Variants in AOPEP observed in about 807,000 individuals in gnomAD.
AOPEP encodes aminopeptidase O (putative).
AOPEP carries 77 observed loss-of-function variants against 98.1 expected under a neutral mutation model. The ratio of observed to expected loss-of-function variants is 0.78; its 90% CI spans 0.65 to 0.95. The LOEUF is 0.95. AOPEP is among the 40% of genes least tolerant of loss of function. The pLI, the probability that AOPEP is intolerant of heterozygous loss-of-function variation, is 0.00. For synonymous variants in AOPEP, 346 were observed against 365.3 expected, an observed-to-expected ratio of 0.95 and a Z score of 0.60; for missense variants, 1,024 against 1,024.7, an observed-to-expected ratio of 1.00 and a Z score of 0.01.
chr9:94,933,833 C>T (rs1276202241), intron 7 of AOPEP, among the ~76,000 whole-genome samples: 2 of 151,610 alleles, frequency 1.3e-5, no homozygotes, highest in Admixed American at 6.6e-5. Flanking sequence ...CTGCAAGCTC[C>T]GCCTCCCATG....
At chr9:94,839,525 T>C (rs2042044312) in intron 5 of AOPEP, among the ~76,000 whole-genome samples, 1 of 152,190 alleles carries the variant, frequency 6.6e-6, no homozygotes, top group African/African-American at 2.4e-5. Flanking sequence ...ACCCGGCCTA[T>C]AAGTGGTATT....
chr9:94,819,259 G>A (rs1397114971), intron 5 of AOPEP, among the ~76,000 whole-genome samples: 1 of 152,180 alleles, frequency 6.6e-6, no homozygotes, highest in African/African-American at 2.4e-5. Flanking sequence ...GCCATTATCT[G>A]ACTTGTGTCT....
the AOPEP span, chr9:95,110,802 A>G: frequency 1.2e-5 from 13 of 1,126,442 alleles, no homozygotes; most frequent in Non-Finnish European, 1.4e-5. Flanking sequence ...GGAGGTGCCA[A>G]TGCCTTTAAT....
At chr9:94,794,836 G>A (rs902057752) in intron 4 of AOPEP, among the ~76,000 whole-genome samples, 1 of 152,126 alleles carries the variant, frequency 6.6e-6, no homozygotes, top group African/African-American at 2.4e-5. Flanking sequence ...TGTAATTTCA[G>A]GTGGTCTGAA....
At chr9:95,092,537 G>A in the AOPEP span, among the ~76,000 whole-genome samples, 1 of 152,228 alleles carries the variant, frequency 6.6e-6, no homozygotes, top group African/African-American at 2.4e-5. Context: ...AGAGGCGACT[G>A]GGTGTGCACC....
intron 5 of AOPEP, among the ~76,000 whole-genome samples, chr9:94,884,838 G>A (rs1229658322): frequency 2.0e-5 from 3 of 147,576 alleles, no homozygotes. Context: ...GGTGAAACCC[G>A]TCTCTATTAA....
chr9:94,879,802 G>T (rs985666393), intron 5 of AOPEP, among the ~76,000 whole-genome samples: 1 of 152,138 alleles, frequency 6.6e-6, no homozygotes, highest in Non-Finnish European at 1.5e-5. Context: ...ATCAAACATT[G>T]GTTGTAACCC....
Position 95,087,031 on chromosome 9 carries a change from A to C in AOPEP, c.*354A>C. The C allele has an allele frequency of 1.3e-6, 1 of 788,656 alleles. No individual in the cohort carries two copies. The highest frequency in any genetic ancestry group is 1.5e-6 in the Non-Finnish European group (1 of 649,874). The allele number at this position is 788,656 out of a possible 1,614,324, so 48.9% of individuals were successfully genotyped here. ...ATTGGTCTGCTCAGCACATGGCTGG[A>C]TGCGGATATTTCTATAATTCCAGAA... On this transcript the variant is annotated 3_prime_UTR_variant, in exon 17 of 17. Transcript: ENST00000375315.
chr9:95,044,264 T>A (rs2065626034), intron 13 of AOPEP, among the ~76,000 whole-genome samples: 2 of 152,214 alleles, frequency 1.3e-5, no homozygotes, highest in Non-Finnish European at 2.9e-5. Flanking sequence ...GTTGATTCTA[T>A]TTTAACATAT....
At chr9:94,910,903 G>A (rs555115789) in intron 5 of AOPEP, among the ~76,000 whole-genome samples, 2 of 152,328 alleles carry the variant, frequency 1.3e-5, no homozygotes, top group Non-Finnish European at 2.9e-5. Context: ...GTGGAGGAAT[G>A]TCTGGGCCTC....
chr9:94,779,471 C>G (rs1842832619), intron 3 of AOPEP, among the ~76,000 whole-genome samples: 3 of 152,096 alleles, frequency 2.0e-5, no homozygotes. Context: ...AGGGAAAGGT[C>G]TCATGATTTA....
chr9:94,770,312 C>A (rs982603286), intron 2 of AOPEP, among the ~76,000 whole-genome samples: 16 of 152,182 alleles, frequency 1.1e-4, no homozygotes. Context: ...ACTATGGCTG[C>A]ACAACAAATT....
At chr9:95,061,017 C>T in intron 14 of AOPEP, 1 of 464,626 alleles carries the variant, frequency 2.2e-6, no homozygotes, top group Non-Finnish European at 3.9e-6. Context: ...GTTTTTCCCT[C>T]TTCTTAAATC....
At chr9:94,797,201 A>G (rs577126038) in intron 4 of AOPEP, among the ~76,000 whole-genome samples, 8 of 152,208 alleles carry the variant, frequency 5.3e-5, no homozygotes, top group African/African-American at 1.7e-4. Flanking sequence ...TGGGAGGCCA[A>G]GGCGGGCGGA....
At chr9:95,132,655 C>T in the AOPEP span, among the ~76,000 whole-genome samples, 3 of 152,132 alleles carry the variant, frequency 2.0e-5, no homozygotes, top group East Asian at 1.9e-4. Flanking sequence ...CAAAAGTGAA[C>T]GGGTTTTGAA....
the AOPEP span, among the ~76,000 whole-genome samples, chr9:95,124,636 A>G: frequency 6.6e-6 from 1 of 152,184 alleles, no homozygotes; most frequent in African/African-American, 2.4e-5. Flanking sequence ...TGGGTCTCTG[A>G]TAAGAATGAA....
intron 5 of AOPEP, among the ~76,000 whole-genome samples, chr9:94,851,684 G>C (rs1658916876): frequency 6.6e-6 from 1 of 150,924 alleles, no homozygotes; most frequent in Admixed American, 6.6e-5. Flanking sequence ...GTAAGCTCTT[G>C]AGCGAAAGTA....
At chr9:95,045,303 G>A (rs1564567398) in intron 13 of AOPEP, among the ~76,000 whole-genome samples, 1 of 152,224 alleles carries the variant, frequency 6.6e-6, no homozygotes, top group Admixed American at 6.5e-5. Context: ...AGGGATGCGG[G>A]CTGGGGACGC....
intron 5 of AOPEP, among the ~76,000 whole-genome samples, chr9:94,895,214 T>A (rs2049333933): frequency 7.8e-6 from 1 of 128,520 alleles, no homozygotes; most frequent in Non-Finnish European, 1.6e-5. Context: ...AAACCTCATC[T>A]CTACTAAAAA....
Sources: allele counts gnomAD v4.1 joint callset (sites outside exome capture counted in the v4.1 genomes callset), GRCh38; gene constraint gnomAD v4.1.1; transcripts MANE v1.5; gene names NCBI Gene and HGNC (gene_info 2026-07-23, HGNC 2026-07-21).